AGO1: variants seen among roughly 807,000 people sequenced by gnomAD.
The protein encoded by AGO1 is argonaute RISC component 1.
Under a neutral mutation model 109.2 loss-of-function variants are expected in AGO1, and 11 were observed. The observed-to-expected ratio is 0.10, with a 90% CI of 0.06 to 0.17. The LOEUF (loss-of-function observed/expected upper bound fraction) is 0.17, where lower values mean the gene tolerates loss of function less well. Ranked by LOEUF, AGO1 falls within the 10% of genes least tolerant of loss-of-function variation. The pLI is 1.00. For synonymous variants in AGO1, 422 were observed against 418.6 expected (o/e 1.01, Z -0.10); for missense variants, 574 against 1,140.3 (o/e 0.50, Z 7.15).
intron 11 of AGO1, among the ~76,000 whole-genome samples, chr1:35,903,525 C>T (rs764461476): frequency 1.6e-4 from 24 of 152,024 alleles, no homozygotes; most frequent in Non-Finnish European, 1.9e-4. Flanking sequence ...GGGAAGTATG[C>T]CATGACGAAT....
At chr1:35,908,899 A>G (rs529525284) in intron 12 of AGO1, among the ~76,000 whole-genome samples, 2 of 149,932 alleles carry the variant, frequency 1.3e-5, no homozygotes, top group East Asian at 3.9e-4. Context: ...GCTCACCGCA[A>G]CCTCCACCTC....
At chr1:35,889,825 G>A (rs1286279644) in intron 2 of AGO1, among the ~76,000 whole-genome samples, 1 of 151,094 alleles carries the variant, frequency 6.6e-6, no homozygotes, top group Non-Finnish European at 1.5e-5. Flanking sequence ...CGATTCTCCT[G>A]CCTCAGCCTC....
intron 1 of AGO1, among the ~76,000 whole-genome samples, chr1:35,878,114 T>C (rs1645006940): frequency 6.6e-6 from 1 of 152,026 alleles, no homozygotes; most frequent in Non-Finnish European, 1.5e-5. Flanking sequence ...GATGGAGTCT[T>C]GCTCTGTCAC....
chr1:35,926,331 C>G lies in AGO1; in HGVS notation c.*6724C>G, dbSNP rs1290064103. On this transcript the variant is annotated 3_prime_UTR_variant, in exon 19 of 19. Coordinates refer to ENST00000373204, the MANE Select transcript of AGO1 (RefSeq NM_012199.5). ...TTTCAGTGAAGGCTTGTCCTGGCAC[C>G]TCTGGGCATTCCTTTTCATTACTGG... is the stretch of plus-strand genomic sequence containing the variant. The G allele has an allele frequency of 6.6e-6, 1 of 152,206 alleles. No homozygotes were observed. Among genetic ancestry groups the G allele is most frequent in the Non-Finnish European group, 1.5e-5 (1 of 68,060 alleles). 9.4% of individuals were successfully genotyped at this position (152,206 alleles called of 1,614,324 possible). A position where few individuals can be genotyped will look rare whatever the true frequency, so the allele number is the denominator to read the frequency against.
At chr1:35,887,593 G>A (rs1195041369) in intron 1 of AGO1, among the ~76,000 whole-genome samples, 1 of 152,092 alleles carries the variant, frequency 6.6e-6, no homozygotes, top group Non-Finnish European at 1.5e-5. Context: ...CAGAGCCAGT[G>A]TCTCTTCTCC....
At chr1:35,900,913 A>G (rs1645403107) in intron 8 of AGO1, among the ~76,000 whole-genome samples, 1 of 152,070 alleles carries the variant, frequency 6.6e-6, no homozygotes, top group Admixed American at 6.6e-5. Context: ...ATCTCAAAAA[A>G]ATAAATAAAT....
intron 11 of AGO1, among the ~76,000 whole-genome samples, chr1:35,905,252 T>C (rs1390026796): frequency 6.6e-6 from 1 of 152,144 alleles, no homozygotes; most frequent in East Asian, 1.9e-4. Flanking sequence ...GGCAGAGAAA[T>C]GGAAAACATA....
chr1:35,893,453 C>A lies in AGO1; in HGVS notation c.512+175C>A. On this transcript the variant is annotated intron_variant, in intron 4 of 18. Transcript: ENST00000373204. The surrounding 1 kb of genome is among the most constrained non-coding windows in gnomAD (Gnocchi z 5.6). ...ATTTAGATGGTTTAAAGCCCTGGCCCTGAACTTCTTAGATATCTTTGGGCC... is the reference window on the plus strand; with the variant it reads ...ATTTAGATGGTTTAAAGCCCTGGCCATGAACTTCTTAGATATCTTTGGGCC... 1 of 838,170 alleles carries A rather than the reference C, an allele frequency of 1.2e-6. No homozygotes were observed. The highest frequency in any genetic ancestry group is 1.8e-6 in the Non-Finnish European group (1 of 555,334). The allele number at this position is 838,170 out of a possible 1,614,324, so 51.9% of individuals were successfully genotyped here.
rs1571384016 is a variant in AGO1 at position 35,922,094 on chromosome 1, A to T, written c.*2487A>T. On this transcript the variant is annotated 3_prime_UTR_variant, in exon 19 of 19. Coordinates refer to ENST00000373204, the MANE Select transcript of AGO1 (RefSeq NM_012199.5). Reference sequence around the variant, plus strand: ...TTCACCAGCATTTGCAAATGTCCATAGGGAGCAGGTGGCAGCCTCTACTCC... The same window carrying T: ...TTCACCAGCATTTGCAAATGTCCATTGGGAGCAGGTGGCAGCCTCTACTCC... 1 of 152,674 alleles carries T rather than the reference A, an allele frequency of 6.5e-6. No individual in the cohort carries two copies. Among genetic ancestry groups the T allele is most frequent in the South Asian group, 2.1e-4 (1 of 4,824 alleles). 9.5% of individuals were successfully genotyped at this position (152,674 alleles called of 1,614,324 possible).
intron 12 of AGO1, among the ~76,000 whole-genome samples, chr1:35,910,501 G>C (rs1645612456): frequency 2.0e-5 from 3 of 152,098 alleles, no homozygotes; most frequent in African/African-American, 7.2e-5. Context: ...CAGTTCAGCA[G>C]CAGAACCTTA....
Position 35,919,650 on chromosome 1 carries a change from A to G in AGO1, c.*43A>G. The stretch of plus-strand genomic sequence containing the variant: ...CTCACTGGATAGAAGAAAGCTTTCC[A>G]AGCCCCAGGAGCTGTGCCACCCAAA... On this transcript the variant is annotated 3_prime_UTR_variant, in exon 19 of 19. Coordinates refer to ENST00000373204, the MANE Select transcript of AGO1 (RefSeq NM_012199.5). The surrounding 1 kb of genome is among the most constrained non-coding windows in gnomAD (Gnocchi z 6.6). 1 of 1,573,266 alleles carries G rather than the reference A, an allele frequency of 6.4e-7. No homozygotes were observed. The highest frequency in any genetic ancestry group is 8.7e-7 in the Non-Finnish European group (1 of 1,152,358).
rs538830586 is a variant in AGO1, at chr1:35,927,100, G to A, written c.*7493G>A. 2 of 152,232 alleles carry A rather than the reference G, an allele frequency of 1.3e-5. No homozygotes were observed. The highest frequency in any genetic ancestry group is 4.8e-5 in the African/African-American group (2 of 41,562). The allele number at this position is 152,232 out of a possible 1,614,324, so 9.4% of individuals were successfully genotyped here. ...CCAGGTTTTTGGAAAAGGCCTGTGG[G>A]CTATTAATGAGAGTGAGCTGCAAAA... On this transcript the variant is annotated 3_prime_UTR_variant, in exon 19 of 19. Coordinates refer to ENST00000373204, the MANE Select transcript of AGO1 (RefSeq NM_012199.5).
In AGO1 at chr1:35,919,003, T is replaced by C. The variant is rs1472766215; in HGVS notation, c.2266-52T>C. The C allele has an allele frequency of 2.0e-6, 3 of 1,511,048 alleles. No homozygotes were observed. Among genetic ancestry groups the C allele is most frequent in the Admixed American group, 1.7e-5 (1 of 59,210 alleles). 93.6% of individuals were successfully genotyped at this position (1,511,048 alleles called of 1,614,324 possible). A position where few individuals can be genotyped will look rare whatever the true frequency, so the allele number is the denominator to read the frequency against. ...TAACAGTGATCCTGTTCCCCTATTA[T>C]CAGCCATCTTCTCTGCCCAGCCTGG... On this transcript the variant is annotated intron_variant, in intron 17 of 18. Coordinates refer to ENST00000373204, the MANE Select transcript of AGO1 (RefSeq NM_012199.5). The surrounding 1 kb of genome is among the most constrained non-coding windows in gnomAD (Gnocchi z 6.6).
At chr1:35,878,345 A>G (rs1571334037), upstream of AGO1, among the ~76,000 whole-genome samples, 1 of 151,692 alleles carries the variant, frequency 6.6e-6, no homozygotes, top group South Asian at 2.1e-4. Flanking sequence ...TCGGCCTCCC[A>G]CAGTGCTGGG....
intron 11 of AGO1, among the ~76,000 whole-genome samples, chr1:35,903,596 C>T (rs1389184168): frequency 6.6e-6 from 1 of 152,042 alleles, no homozygotes; most frequent in East Asian, 1.9e-4. Flanking sequence ...TGGTGCGTGC[C>T]TGTAGTCCTG....
upstream of AGO1, chr1:35,883,173 C>T (rs775903662): frequency 1.1e-5 from 13 of 1,149,404 alleles, no homozygotes; most frequent in East Asian, 5.8e-4. This position sits in a 1 kb window ranked among gnomAD's most constrained non-coding sequence, Gnocchi z 5.4. Context: ...TGACTCGTTC[C>T]GGTCCGCCCC....
At chr1:35,906,440 G>A (rs1033051528) in intron 11 of AGO1, among the ~76,000 whole-genome samples, 2 of 152,066 alleles carry the variant, frequency 1.3e-5, no homozygotes, top group African/African-American at 4.8e-5. Flanking sequence ...CGAACACTTA[G>A]CAAGTACTCT....
Position 35,919,582 on chromosome 1 carries a change from C to T in AGO1, c.2549C>T (p.Thr850Ile). The change falls in exon 19 of 19, where the codon ACT (threonine) becomes ATT (isoleucine). Residue 850 changes from threonine to isoleucine, a missense_variant. Physicochemically the swap from Thr to Ile is moderately conservative, Grantham distance 89. Transcript: ENST00000373204. This position sits in a 1 kb window ranked among gnomAD's most constrained non-coding sequence, Gnocchi z 6.6. Reference sequence around the variant, plus strand: ...AAAGCCGTGCAGGTTCACCAGGATACTCTGCGCACCATGTACTTCGCTTGA... The same window carrying T: ...AAAGCCGTGCAGGTTCACCAGGATATTCTGCGCACCATGTACTTCGCTTGA... Reference protein sequence around the residue: ...LAKAVQVHQDTLRTMYFA With the variant: ...LAKAVQVHQDILRTMYFA The T allele has an allele frequency of 6.2e-7, 1 of 1,614,084 alleles. No individual in the cohort carries two copies. Among genetic ancestry groups the T allele is most frequent in the South Asian group, 1.1e-5 (1 of 91,078 alleles).
intron 1 of AGO1, among the ~76,000 whole-genome samples, chr1:35,874,071 T>A (rs1245710856): frequency 6.6e-6 from 1 of 152,230 alleles, no homozygotes; most frequent in African/African-American, 2.4e-5. Flanking sequence ...TGGCAATCTG[T>A]AAGCAGTGAC....
Sources: allele counts gnomAD v4.1 joint callset (sites outside exome capture counted in the v4.1 genomes callset), GRCh38; gene constraint gnomAD v4.1.1; non-coding constraint Gnocchi (gnomAD v3.1); transcripts MANE v1.5; gene names NCBI Gene and HGNC (gene_info 2026-07-23, HGNC 2026-07-21).